The following ATXN1 variants were observed in gnomAD, a reference collection of about 807,000 sequenced individuals.
The protein encoded by ATXN1 is ataxin 1, also known as ataxin-1.
In ATXN1, 8 loss-of-function variants were observed where a neutral mutation model predicts 56.4. The observed-to-expected ratio is 0.14, with a 90% CI of 0.08 to 0.26. ATXN1 has a LOEUF of 0.26. Among genes scored for constraint, ATXN1 ranks in the 10% least tolerant of loss-of-function variants. ATXN1 has a pLI of 1.00. For synonymous variants in ATXN1, 514 were observed against 494.6 expected (o/e 1.04, Z -0.52); for missense variants, 987 against 1,106.5 (o/e 0.89, Z 1.53).
At chr6:16,422,637 C>G (rs915965781) in intron 6 of ATXN1, among the ~76,000 whole-genome samples, 8 of 152,184 alleles carry the variant, frequency 5.3e-5, no homozygotes, top group Non-Finnish European at 1.2e-4. Flanking sequence ...TAAGAGTTGT[C>G]AAGCAAATCA....
In ATXN1 at chr6:16,726,302, C is replaced by T. The variant is rs552841304; in HGVS notation, c.-615+26931G>A. Among the ~76,000 whole-genome samples, 18 of 150,664 alleles carry T rather than the reference C, an allele frequency of 1.2e-4. 1 individual carries two copies. In the South Asian group the frequency reaches 3.6e-3, roughly 30 times the overall value. On this transcript the variant is annotated intron_variant, in intron 2 of 7. Transcript: ENST00000436367. ...GGCTGAGGCAAGAGAATCGCTGGAA[C>T]CCGGGGGAGCAGAGGCTGCAGTGAG...
At chr6:16,364,099 C>T (rs762261345) in intron 6 of ATXN1, among the ~76,000 whole-genome samples, 1 of 152,088 alleles carries the variant, frequency 6.6e-6, no homozygotes, top group South Asian at 2.1e-4. Flanking sequence ...GAGCTGGAGT[C>T]GCTTAAAGGT....
chr6:16,430,010 G>A (rs1420541837), intron 6 of ATXN1, among the ~76,000 whole-genome samples: 2 of 152,284 alleles, frequency 1.3e-5, no homozygotes, highest in East Asian at 1.9e-4. Flanking sequence ...CTCAGAATCC[G>A]TAAGCGACTA....
At chr6:16,583,653 G>C (rs770368592) in intron 4 of ATXN1, among the ~76,000 whole-genome samples, 8 of 152,204 alleles carry the variant, frequency 5.3e-5, no homozygotes, top group Non-Finnish European at 8.8e-5. Flanking sequence ...TGGGAAGGAA[G>C]CTCTGCTCTC....
rs546834246 is a variant in ATXN1, at chr6:16,650,511, A to G, written c.-489+7265T>C. ...ACTTCTAGCCTTTGTGGATAGGCATAGATTTTTGTCACTGCTTTGTAATCA... is the reference window on the plus strand; with the variant it reads ...ACTTCTAGCCTTTGTGGATAGGCATGGATTTTTGTCACTGCTTTGTAATCA... On this transcript the variant is annotated intron_variant, in intron 3 of 7. Transcript: ENST00000436367. 3.3e-5 allele frequency among the ~76,000 whole-genome samples: 5 copies of G among 152,364 alleles called. No homozygotes were observed. The East Asian group carries it at 5.8e-4, about 18-fold the overall frequency.
At chr6:16,409,817 G>A (rs9383165) in intron 6 of ATXN1, among the ~76,000 whole-genome samples, 13,477 of 152,102 alleles carry the variant, frequency 0.089, 1,120 homozygotes, top group East Asian at 0.45. Flanking sequence ...CTTGGTTTGC[G>A]GCTTTTAAAC....
intron 5 of ATXN1, among the ~76,000 whole-genome samples, chr6:16,488,675 GT>G (rs1760598539): frequency 6.6e-6 from 1 of 152,096 alleles, no homozygotes; most frequent in Non-Finnish European, 1.5e-5. Flanking sequence ...GCTCATTCAT[GT>G]TCTCCCCATG....
At chr6:16,475,236 T>C (rs1449045405) in intron 6 of ATXN1, among the ~76,000 whole-genome samples, 1 of 152,182 alleles carries the variant, frequency 6.6e-6, no homozygotes, top group Non-Finnish European at 1.5e-5. Flanking sequence ...TTCTACTATA[T>C]ACATGTCAAG....
intron 4 of ATXN1, among the ~76,000 whole-genome samples, chr6:16,582,461 C>A (rs116788211): frequency 3.9e-5 from 6 of 152,322 alleles, no homozygotes; most frequent in African/African-American, 1.4e-4. Flanking sequence ...GACCTTGTCT[C>A]AGTTTCTCAC....
chr6:16,396,684 C>T (rs759055609), intron 6 of ATXN1, among the ~76,000 whole-genome samples: 2 of 152,166 alleles, frequency 1.3e-5, no homozygotes. Flanking sequence ...TGTCCTAGGC[C>T]TTCACATTCA....
intron 4 of ATXN1, among the ~76,000 whole-genome samples, chr6:16,576,179 A>C (rs1216806819): frequency 2.0e-5 from 3 of 152,176 alleles, no homozygotes; most frequent in Non-Finnish European, 2.9e-5. Context: ...CTTCACAGGG[A>C]ATAATGAAGA....
At chr6:16,418,924 G>T (rs975133629) in intron 6 of ATXN1, among the ~76,000 whole-genome samples, 2 of 151,878 alleles carry the variant, frequency 1.3e-5, no homozygotes, top group African/African-American at 4.8e-5. Context: ...TTTGGCCAAG[G>T]TGTTCCTATT....
intron 4 of ATXN1, among the ~76,000 whole-genome samples, chr6:16,539,000 T>C (rs1386979135): frequency 2.0e-5 from 3 of 152,092 alleles, no homozygotes; most frequent in Non-Finnish European, 4.4e-5. Context: ...ATAACTATTC[T>C]AACCTATCCT....
intron 4 of ATXN1, among the ~76,000 whole-genome samples, chr6:16,575,935 C>G (rs904225856): frequency 6.6e-6 from 1 of 152,120 alleles, no homozygotes; most frequent in African/African-American, 2.4e-5. Flanking sequence ...TAGAGACACA[C>G]GCCATCACAC....
At chr6:16,449,004 CT>C (rs1446413824) in intron 6 of ATXN1, among the ~76,000 whole-genome samples, 1 of 152,182 alleles carries the variant, frequency 6.6e-6, no homozygotes, top group East Asian at 1.9e-4. Context: ...TCAAATGTAA[CT>C]TCCATCCTGG....
Position 16,346,607 on chromosome 6 carries a change from C to CATTT in ATXN1, c.-160-18141_-160-18138dup, listed in dbSNP as rs1445802071. ...TGTCATGTTAGACCGGGCTAACTGG[C>CATTT]ATTTGATAACTCGTGACTTTAGGAA... On this transcript the variant is annotated intron_variant, in intron 6 of 7. Transcript: ENST00000436367. Among the ~76,000 whole-genome samples the CATTT allele has an allele frequency of 2.0e-5, 3 of 152,360 alleles. No homozygotes were observed. In the South Asian group the frequency reaches 6.2e-4, roughly 32 times the overall value.
At chr6:16,603,622 G>A (rs965002942) in intron 3 of ATXN1, among the ~76,000 whole-genome samples, 1 of 152,228 alleles carries the variant, frequency 6.6e-6, no homozygotes, top group Non-Finnish European at 1.5e-5. Context: ...GGAGGTCTGA[G>A]TTGAATTTCA....
rs1760059199 is a variant in ATXN1 at position 16,300,541 on chromosome 6, GTATT to G, written c.*5784_*5787del. 1 of 152,200 alleles carries G rather than the reference GTATT, an allele frequency of 6.6e-6. No homozygotes were observed. The highest frequency in any genetic ancestry group is 1.5e-5 in the Non-Finnish European group (1 of 68,030). 9.4% of individuals were successfully genotyped at this position (152,200 alleles called of 1,614,324 possible). A position where few individuals can be genotyped will look rare whatever the true frequency, so the allele number is the denominator to read the frequency against. On this transcript the variant is annotated 3_prime_UTR_variant, in exon 8 of 8. Coordinates refer to ENST00000436367, the MANE Select transcript of ATXN1 (RefSeq NM_001128164.2). ...GAATACTATTCTGAGAAGATGCTCC[GTATT>G]TATTCTGGCCTCTTTATATTAAATA...
At chr6:16,347,096 C>CA (rs1426243743) in intron 6 of ATXN1, among the ~76,000 whole-genome samples, 2 of 152,252 alleles carry the variant, frequency 1.3e-5, no homozygotes, top group Non-Finnish European at 2.9e-5. Flanking sequence ...TCGGGACCTG[C>CA]AGCCCGCCAT....
Sources: gnomAD v4.1 joint callset for allele counts (sites outside exome capture counted in the v4.1 genomes callset) on GRCh38, gnomAD v4.1.1 for gene constraint, MANE v1.5 for transcripts, NCBI Gene and HGNC (gene_info 2026-07-23, HGNC 2026-07-21) for gene names.